The following DSCAML1 variants were observed in gnomAD, a reference collection of about 807,000 sequenced individuals.
The protein encoded by DSCAML1 is cell adhesion molecule DSCAML1.
In DSCAML1, 38 loss-of-function variants were observed where a neutral mutation model predicts 200.5. The observed-to-expected ratio is 0.19, with a 90% confidence interval of 0.15 to 0.25. DSCAML1 has a LOEUF of 0.25. Ranked by LOEUF, DSCAML1 falls within the 10% of genes least tolerant of loss-of-function variation. DSCAML1 has a pLI of 1.00. For synonymous variants in DSCAML1, 1,215 were observed against 1,165.0 expected (o/e 1.04, Z -0.87); for missense variants, 2,223 against 2,858.8 (o/e 0.78, Z 5.07).
chr11:117,678,297 G>A (rs1310013877), intron 3 of DSCAML1, among the ~76,000 whole-genome samples: 1 of 152,212 alleles, frequency 6.6e-6, no homozygotes, highest in East Asian at 1.9e-4. Flanking sequence ...TGGGGTGGCG[G>A]GCGGGAGGAG....
chr11:117,793,126 G>C (rs909352318), intron 1 of DSCAML1, among the ~76,000 whole-genome samples: 7 of 152,314 alleles, frequency 4.6e-5, no homozygotes, highest in African/African-American at 1.7e-4. Context: ...CTTTTGGCCT[G>C]GCTAGGTGAG....
chr11:117,637,631 C>G (rs2052319747), intron 3 of DSCAML1, among the ~76,000 whole-genome samples: 1 of 152,160 alleles, frequency 6.6e-6, no homozygotes, highest in Non-Finnish European at 1.5e-5. Flanking sequence ...AGGCATGAGC[C>G]ACTGCTCCCC....
At chr11:117,583,509 G>T (rs57576859) in intron 3 of DSCAML1, among the ~76,000 whole-genome samples, 2 of 152,266 alleles carry the variant, frequency 1.3e-5, no homozygotes, top group East Asian at 1.9e-4. Flanking sequence ...CCTCCTTGGG[G>T]ATGCCTTCCC....
At chr11:117,610,061 A>G (rs1272022841) in intron 3 of DSCAML1, among the ~76,000 whole-genome samples, 1 of 152,190 alleles carries the variant, frequency 6.6e-6, no homozygotes, top group Non-Finnish European at 1.5e-5. Flanking sequence ...GACAAACCCA[A>G]AAAAGCAACC....
intron 3 of DSCAML1, among the ~76,000 whole-genome samples, chr11:117,758,499 TCA>T (rs920772762): frequency 4.0e-5 from 6 of 151,778 alleles, no homozygotes; most frequent in African/African-American, 1.5e-4. Context: ...CCTCCCGGGT[TCA>T]CGCCATTCTC....
intron 3 of DSCAML1, among the ~76,000 whole-genome samples, chr11:117,714,502 C>A (rs1006341004): frequency 6.6e-6 from 1 of 152,028 alleles, no homozygotes; most frequent in African/African-American, 2.4e-5. Flanking sequence ...CCATTACCCA[C>A]ATGAAGAAAA....
chr11:117,750,306 T>C (rs1591470479), intron 3 of DSCAML1, among the ~76,000 whole-genome samples: 1 of 152,178 alleles, frequency 6.6e-6, no homozygotes, highest in Admixed American at 6.5e-5. Context: ...GATATCTGTG[T>C]CTTTGTCGGA....
chr11:117,515,514 T>A (rs772497868), intron 8 of DSCAML1, among the ~76,000 whole-genome samples: 4 of 151,950 alleles, frequency 2.6e-5, no homozygotes, highest in Non-Finnish European at 5.9e-5. Flanking sequence ...ATTCACTCAT[T>A]CATTTGATCC....
intron 3 of DSCAML1, among the ~76,000 whole-genome samples, chr11:117,586,051 G>T (rs1488554994): frequency 6.6e-6 from 1 of 152,134 alleles, no homozygotes; most frequent in Admixed American, 6.5e-5. Flanking sequence ...GATGGGATCT[G>T]CCACTTCCAG....
At chr11:117,601,664 T>C (rs1351561931) in intron 3 of DSCAML1, among the ~76,000 whole-genome samples, 1 of 152,222 alleles carries the variant, frequency 6.6e-6, no homozygotes, top group Admixed American at 6.5e-5. Flanking sequence ...AGAATACATT[T>C]CTGCAGCCTT....
intron 3 of DSCAML1, among the ~76,000 whole-genome samples, chr11:117,545,258 C>A (rs2050351447): frequency 6.7e-6 from 1 of 150,238 alleles, no homozygotes; most frequent in African/African-American, 2.5e-5. Flanking sequence ...CACACACACA[C>A]ACAAAACACA....
At chr11:117,445,062 A>G (rs2048148505) in intron 20 of DSCAML1, among the ~76,000 whole-genome samples, 1 of 151,970 alleles carries the variant, frequency 6.6e-6, no homozygotes, top group South Asian at 2.1e-4. Flanking sequence ...ACACACGCTC[A>G]CAAGCACACA....
rs59560691 is a variant in DSCAML1 at position 117,531,938 on chromosome 11, AGGAGGGAGGGAGGGAG to A, written c.658+422_658+437del. Among the ~76,000 whole-genome samples the A allele has an allele frequency of 1.3e-4, 11 of 82,448 alleles. No individual in the cohort carries two copies. In the South Asian group the frequency reaches 3.0e-3, roughly 23 times the overall value. The allele number at this position is 82,448 out of a possible 152,430, so 54.1% of individuals were successfully genotyped here. A position where few individuals can be genotyped will look rare whatever the true frequency, so the allele number is the denominator to read the frequency against. ...GGAAAGGGAAGGGAAGGGAGGAGGG[AGGAGGGAGGGAGGGAG>A]GGAGGGAGGGAGGGACGAAATAAAG... On this transcript the variant is annotated intron_variant, in intron 4 of 32. Transcript: ENST00000651296.
chr11:117,591,090 T>C (rs1036511965), intron 3 of DSCAML1, among the ~76,000 whole-genome samples: 3 of 152,240 alleles, frequency 2.0e-5, no homozygotes, highest in Non-Finnish European at 4.4e-5. Flanking sequence ...ATTTTGAGAA[T>C]GGAAATCAAT....
intron 3 of DSCAML1, among the ~76,000 whole-genome samples, chr11:117,750,039 A>G (rs1211976652): frequency 6.6e-6 from 1 of 152,212 alleles, no homozygotes; most frequent in African/African-American, 2.4e-5. Flanking sequence ...GGTACCCTAG[A>G]AATTGGATGA....
intron 3 of DSCAML1, among the ~76,000 whole-genome samples, chr11:117,577,035 A>G (rs2137450127): frequency 6.6e-6 from 1 of 152,314 alleles, no homozygotes; most frequent in South Asian, 2.1e-4. Context: ...ACCCACCCCA[A>G]TGCCCCAACC....
intron 3 of DSCAML1, among the ~76,000 whole-genome samples, chr11:117,711,104 G>A (rs7121503): frequency 0.014 from 2,071 of 152,244 alleles, 36 homozygotes; most frequent in African/African-American, 0.047. Flanking sequence ...TGACCCCAGA[G>A]GAGCCTCCCA....
At chr11:117,676,330 G>A in intron 3 of DSCAML1, among the ~76,000 whole-genome samples, 1 of 152,304 alleles carries the variant, frequency 6.6e-6, no homozygotes, top group African/African-American at 2.4e-5. Context: ...AAGGGGTAAG[G>A]AAAGCGTTTG....
At chr11:117,693,580 C>A (rs2137725126) in intron 3 of DSCAML1, among the ~76,000 whole-genome samples, 1 of 152,226 alleles carries the variant, frequency 6.6e-6, no homozygotes, top group East Asian at 1.9e-4. Context: ...ATTGACAAAC[C>A]AAAGGATGCT....
Sources: allele counts gnomAD v4.1 joint callset (sites outside exome capture counted in the v4.1 genomes callset), GRCh38; gene constraint gnomAD v4.1.1; transcripts MANE v1.5; gene names NCBI Gene and HGNC (gene_info 2026-07-23, HGNC 2026-07-21).